The following PCSK5 variants were observed in gnomAD, a reference collection of about 807,000 sequenced individuals.
PCSK5 encodes proprotein convertase subtilisin/kexin type 5.
PCSK5 carries 129 observed loss-of-function variants against 233.2 expected under a neutral mutation model. The observed-to-expected ratio is 0.55, with a 90% CI of 0.48 to 0.64. The LOEUF (loss-of-function observed/expected upper bound fraction) is 0.64. Among genes scored for constraint, PCSK5 ranks in the 30% least tolerant of loss-of-function variants. The pLI, the probability that PCSK5 is intolerant of heterozygous loss-of-function variation, is 0.00. For missense variants in PCSK5, 2,076 were observed against 2,430.1 expected (o/e 0.85, Z 3.06); for synonymous variants, 825 against 879.2 (o/e 0.94, Z 1.09).
At chr9:75,908,984 T>TATCTATCTATCC in intron 1 of PCSK5, among the ~76,000 whole-genome samples, 1 of 141,812 alleles carries the variant, frequency 7.1e-6, no homozygotes, top group East Asian at 2.1e-4. Flanking sequence ...TCTATCTATC[T>TATCTATCTATCC]ATCTATCCGA....
At chr9:76,251,993 C>T (rs1314028710) in intron 24 of PCSK5, among the ~76,000 whole-genome samples, 3 of 152,058 alleles carry the variant, frequency 2.0e-5, no homozygotes, top group East Asian at 1.9e-4. Context: ...AGAGGCCGGG[C>T]GTGGTGGCTC....
chr9:76,222,825 G>T (rs1378547031), intron 20 of PCSK5, among the ~76,000 whole-genome samples: 1 of 151,948 alleles, frequency 6.6e-6, no homozygotes, highest in African/African-American at 2.4e-5. Context: ...GTAGCTGAAA[G>T]TGTTGCTGAG....
chr9:76,152,575 C>T (rs747677260), intron 10 of PCSK5, among the ~76,000 whole-genome samples: 7 of 152,176 alleles, frequency 4.6e-5, no homozygotes, highest in Non-Finnish European at 1.0e-4. Context: ...AAACTGTTTT[C>T]AACCAGTCAA....
chr9:75,953,191 G>A (rs536585270), intron 2 of PCSK5, among the ~76,000 whole-genome samples: 4 of 152,054 alleles, frequency 2.6e-5, no homozygotes, highest in South Asian at 4.2e-4. Flanking sequence ...TCCTGGGCAG[G>A]GCATATGTTT....
At chr9:76,221,501 C>A (rs1459508221) in intron 20 of PCSK5, among the ~76,000 whole-genome samples, 1 of 152,120 alleles carries the variant, frequency 6.6e-6, no homozygotes, top group Non-Finnish European at 1.5e-5. Flanking sequence ...GCCTCAGTTT[C>A]TTGTTTATAA....
chr9:76,267,766 A>C (rs1252431925), intron 24 of PCSK5, among the ~76,000 whole-genome samples: 1 of 152,178 alleles, frequency 6.6e-6, no homozygotes, highest in African/African-American at 2.4e-5. Flanking sequence ...CTGAGTCTTC[A>C]CTTATGGCCA....
chr9:76,321,209 C>T (rs958684585), intron 30 of PCSK5, among the ~76,000 whole-genome samples: 1 of 152,082 alleles, frequency 6.6e-6, no homozygotes. Flanking sequence ...TACTGGGGTC[C>T]CAAGATTTAT....
intron 2 of PCSK5, among the ~76,000 whole-genome samples, chr9:75,945,157 A>C (rs1399290383): frequency 6.6e-6 from 1 of 150,604 alleles, no homozygotes; most frequent in Non-Finnish European, 1.5e-5. Context: ...AAATATAAGA[A>C]TAACATATAA....
intron 15 of PCSK5, among the ~76,000 whole-genome samples, chr9:76,181,159 C>T (rs1823854153): frequency 6.6e-6 from 1 of 152,166 alleles, no homozygotes; most frequent in Non-Finnish European, 1.5e-5. Flanking sequence ...TAGGTGCAAA[C>T]CAGGAAATGG....
chr9:76,239,188 G>T (rs1477756272), intron 23 of PCSK5, 23 bp downstream of exon 23: 1 of 1,546,420 alleles, frequency 6.5e-7, no homozygotes, highest in East Asian at 2.4e-5. Context: ...CTGGGCCCTT[G>T]CCCAGCACCC....
At chr9:76,127,345 T>C (rs1402246000) in intron 9 of PCSK5, among the ~76,000 whole-genome samples, 2 of 152,286 alleles carry the variant, frequency 1.3e-5, no homozygotes, top group South Asian at 2.1e-4. Context: ...AGCACTCTGA[T>C]ATCAAACCAA....
chr9:75,944,186 T>C (rs7869300), intron 2 of PCSK5, among the ~76,000 whole-genome samples: 3 of 149,430 alleles, frequency 2.0e-5, no homozygotes, highest in Admixed American at 6.7e-5. Flanking sequence ...AGAAAAAAAA[T>C]ATATATATAT....
intron 37 of PCSK5, among the ~76,000 whole-genome samples, chr9:76,357,101 G>T (rs1231201310): frequency 1.3e-5 from 2 of 152,150 alleles, no homozygotes; most frequent in Non-Finnish European, 1.5e-5. Flanking sequence ...TAAGAAAAAT[G>T]AGCTCATCCT....
chr9:76,010,194 G>A (rs895625149), intron 3 of PCSK5, among the ~76,000 whole-genome samples: 9 of 152,138 alleles, frequency 5.9e-5, no homozygotes, highest in African/African-American at 2.2e-4. Context: ...AGCTAAGTCT[G>A]GTGGCTGAGA....
At chr9:76,293,599 A>G (rs980407245) in intron 25 of PCSK5, among the ~76,000 whole-genome samples, 2 of 152,172 alleles carry the variant, frequency 1.3e-5, no homozygotes, top group Non-Finnish European at 2.9e-5. Context: ...ATAGGTGCAC[A>G]CCACCACGCC....
At chr9:76,050,857 G>C (rs980673848) in intron 5 of PCSK5, among the ~76,000 whole-genome samples, 2 of 152,142 alleles carry the variant, frequency 1.3e-5, no homozygotes, top group Middle Eastern at 3.4e-3. Context: ...TTCACCAAGA[G>C]AGTCCAGCAA....
intron 10 of PCSK5, among the ~76,000 whole-genome samples, chr9:76,138,120 G>A (rs1470028342): frequency 6.6e-6 from 1 of 152,118 alleles, no homozygotes; most frequent in African/African-American, 2.4e-5. Context: ...ACATGTTGAA[G>A]TGAGCGCAGA....
chr9:75,902,630 G>A (rs1372729609), intron 1 of PCSK5, among the ~76,000 whole-genome samples: 1 of 152,168 alleles, frequency 6.6e-6, no homozygotes. Flanking sequence ...CTAATGGGTT[G>A]GAAAGAGTCA....
rs1416721056 is a variant in PCSK5, at chr9:76,002,810, G to A, written c.411+16565G>A. The stretch of plus-strand genomic sequence containing the variant: ...GGTAAAGCAGGGCTCCAGGAACTCA[G>A]TTCTTTCTGCCACTCAGTGTAGCCC... On this transcript the variant is annotated intron_variant, in intron 3 of 37. Coordinates refer to ENST00000674117, the MANE Select transcript of PCSK5 (RefSeq NM_001372043.1). 2.0e-5 allele frequency among the ~76,000 whole-genome samples: 3 copies of A among 152,312 alleles called. No homozygotes were observed. In the East Asian group the frequency reaches 5.8e-4, roughly 29 times the overall value.
Sources: allele counts gnomAD v4.1 joint callset (sites outside exome capture counted in the v4.1 genomes callset), GRCh38; gene constraint gnomAD v4.1.1; transcripts MANE v1.5; gene names NCBI Gene and HGNC (gene_info 2026-07-23, HGNC 2026-07-21).